CUX1: variants seen among roughly 807,000 people sequenced by gnomAD.
The protein encoded by CUX1 is cut like homeobox 1, also known as protein CASP.
A neutral mutation model predicts 158.8 loss-of-function variants in CUX1; 31 were observed. The observed-to-expected ratio is 0.20, with a 90% CI of 0.15 to 0.26. The LOEUF is 0.26. Among genes scored for constraint, CUX1 ranks in the 10% least tolerant of loss-of-function variants. The pLI is 1.00. For missense variants in CUX1, 1,589 were observed against 2,014.6 expected, an observed-to-expected ratio of 0.79 and a Z score of 4.04; for synonymous variants, 879 against 862.1, an observed-to-expected ratio of 1.02 and a Z score of -0.34.
At chr7:102,205,197 G>C (rs201511658) in intron 20 of CUX1, 27 bp downstream of exon 20, 1 of 1,554,440 alleles carries the variant, frequency 6.4e-7, no homozygotes, top group South Asian at 1.1e-5. Context: ...TGTTGCTTTT[G>C]CATGAAATGT....
intron 2 of CUX1, among the ~76,000 whole-genome samples, chr7:102,007,317 T>G (rs983992301): frequency 2.8e-4 from 43 of 152,116 alleles, no homozygotes; most frequent in African/African-American, 1.0e-3. Flanking sequence ...GGCCCTCGGC[T>G]CTTCCACAGG....
chr7:102,183,032 G>A (rs1793266150), intron 11 of CUX1, among the ~76,000 whole-genome samples: 1 of 152,158 alleles, frequency 6.6e-6, no homozygotes, highest in South Asian at 2.1e-4. Context: ...AGGTTCTGAT[G>A]GGTCCCATGG....
chr7:102,010,232 AAAT>A (rs2129294044), intron 2 of CUX1, among the ~76,000 whole-genome samples: 1 of 151,990 alleles, frequency 6.6e-6, no homozygotes, highest in African/African-American at 2.4e-5. Flanking sequence ...CGTCTCTACT[AAAT>A]AATACAAAAA....
intron 17 of CUX1, among the ~76,000 whole-genome samples, chr7:102,277,128 C>T (rs191044876): frequency 1.3e-5 from 2 of 151,622 alleles, no homozygotes; most frequent in Middle Eastern, 3.4e-3. Context: ...AGTGAGACCC[C>T]GACTCTGCAA....
chr7:101,943,632 C>T (rs1212944597), intron 2 of CUX1, among the ~76,000 whole-genome samples: 1 of 151,028 alleles, frequency 6.6e-6, no homozygotes, highest in Non-Finnish European at 1.5e-5. Flanking sequence ...ACTCATGCGG[C>T]CACAAGTAGG....
In CUX1 at chr7:102,254,757, G is replaced by T; in HGVS notation, c.*5715G>T. The T allele has an allele frequency of 1.0e-6, 1 of 985,446 alleles. No individual in the cohort carries two copies. Among genetic ancestry groups the T allele is most frequent in the Non-Finnish European group, 1.2e-6 (1 of 829,950 alleles). 61.0% of individuals were successfully genotyped at this position (985,446 alleles called of 1,614,324 possible). The stretch of plus-strand genomic sequence containing the variant: ...GCAGGGCTTGTGCCCTGAGTGGCGA[G>T]GTGGTGACCTGAGGCCAGTGTGATG... On this transcript the variant is annotated 3_prime_UTR_variant, in exon 24 of 24. Transcript: ENST00000292535.
intron 1 of CUX1, among the ~76,000 whole-genome samples, chr7:101,833,444 G>T (rs1253273926): frequency 6.7e-6 from 1 of 149,748 alleles, no homozygotes; most frequent in Non-Finnish European, 1.5e-5. Context: ...GATCCTGGCT[G>T]CTCAGGAGGC....
chr7:102,214,845 G>A (rs1414549671), intron 20 of CUX1, among the ~76,000 whole-genome samples: 3 of 152,240 alleles, frequency 2.0e-5, no homozygotes, highest in East Asian at 1.9e-4. Context: ...CTTTGGAACC[G>A]GATTCCTAAA....
intron 21 of CUX1, among the ~76,000 whole-genome samples, chr7:102,228,140 G>A (rs1370738848): frequency 3.3e-5 from 5 of 151,638 alleles, no homozygotes; most frequent in African/African-American, 1.2e-4. Context: ...CAGTAGAGGT[G>A]GGGTTTCACC....
intron 21 of CUX1, among the ~76,000 whole-genome samples, chr7:102,232,605 G>A (rs567213145): frequency 4.6e-5 from 7 of 152,258 alleles, no homozygotes; most frequent in Admixed American, 2.0e-4. Context: ...AAGTACTCCC[G>A]TCAGGCCTTC....
At chr7:102,194,029 T>A in intron 13 of CUX1, 139 bp downstream of exon 13, 2 of 842,816 alleles carry the variant, frequency 2.4e-6, no homozygotes, top group Non-Finnish European at 3.8e-6. Flanking sequence ...CAAGAACATT[T>A]AACCAAGTTG....
In CUX1 at chr7:102,201,711, G is replaced by C; in HGVS notation, c.2414G>C (p.Gly805Ala). The part of the protein sequence containing the change: ...DPQGAADCAQ[G>A]VLRQVKNEVG... ...CAGGGAGCAGCCGATTGTGCACAAGGGGTCCTGAGACAGGTGAAAAATGAG... is the reference window on the plus strand; with the variant it reads ...CAGGGAGCAGCCGATTGTGCACAAGCGGTCCTGAGACAGGTGAAAAATGAG... The change falls in exon 18 of 24, where the codon GGG becomes GCG. Residue 805 changes from glycine (G) to alanine (A), a missense_variant. This residue lies in a region of CUX1 where 337 missense variants were observed against 409.3 expected (regional missense o/e 0.82). Coordinates refer to ENST00000292535, the MANE Select transcript of CUX1 (RefSeq NM_181552.4). The surrounding 1 kb of genome is among the most constrained non-coding windows in gnomAD (Gnocchi z 5.0). The C allele has an allele frequency of 6.2e-7, 1 of 1,612,604 alleles. No individual in the cohort carries two copies. The highest frequency in any genetic ancestry group is 8.5e-7 in the Non-Finnish European group (1 of 1,179,896).
At chr7:101,833,246 A>G (rs35151674) in intron 1 of CUX1, among the ~76,000 whole-genome samples, 12,030 of 151,602 alleles carry the variant, frequency 0.079, 978 homozygotes, top group East Asian at 0.45. Context: ...ACAGAAAAAA[A>G]AAAAGAAAAG....
chr7:101,985,366 G>T (rs1814161112), intron 2 of CUX1, among the ~76,000 whole-genome samples: 1 of 152,146 alleles, frequency 6.6e-6, no homozygotes, highest in African/African-American at 2.4e-5. Flanking sequence ...AGGGAAACTG[G>T]GGAAATGTAG....
intron 1 of CUX1, among the ~76,000 whole-genome samples, chr7:101,831,821 A>G (rs1370451426): frequency 6.6e-5 from 10 of 151,690 alleles, no homozygotes; most frequent in African/African-American, 2.4e-4. Flanking sequence ...AGCTCACTGC[A>G]GCTTTGACCT....
At chr7:102,190,837 G>T (rs1008280040) in intron 12 of CUX1, among the ~76,000 whole-genome samples, 1 of 152,060 alleles carries the variant, frequency 6.6e-6, no homozygotes, top group Non-Finnish European at 1.5e-5. Context: ...ATCTCTGCAG[G>T]CTGCCCCCTC....
intron 2 of CUX1, among the ~76,000 whole-genome samples, chr7:101,990,888 C>T (rs553310390): frequency 2.2e-4 from 33 of 152,300 alleles, no homozygotes; most frequent in African/African-American, 7.0e-4. Context: ...CAACTCACAG[C>T]GCCGCTCAGG....
intron 2 of CUX1, among the ~76,000 whole-genome samples, chr7:102,009,605 C>G (rs1817766843): frequency 6.6e-6 from 1 of 152,210 alleles, no homozygotes; most frequent in Non-Finnish European, 1.5e-5. Flanking sequence ...TAGCCTCTTT[C>G]TACAAGTAAA....
intron 1 of CUX1, among the ~76,000 whole-genome samples, chr7:101,829,323 C>A (rs908341386): frequency 2.6e-5 from 4 of 152,078 alleles, no homozygotes; most frequent in Admixed American, 2.0e-4. Flanking sequence ...AAGACAGGAG[C>A]TTTTCTATTT....
Sources: gnomAD v4.1 joint callset for allele counts (sites outside exome capture counted in the v4.1 genomes callset) on GRCh38, gnomAD v4.1.1 for gene constraint, gnomAD v4.1.1 regional missense constraint, Gnocchi (gnomAD v3.1) non-coding constraint, MANE v1.5 for transcripts, NCBI Gene and HGNC (gene_info 2026-07-23, HGNC 2026-07-21) for gene names.